The following LRP1B variants were observed in gnomAD, a reference collection of about 807,000 sequenced individuals.
The protein encoded by LRP1B is LDL receptor related protein 1B.
Under a neutral mutation model 556.6 loss-of-function variants are expected in LRP1B, and 217 were observed. The ratio of observed to expected loss-of-function variants is 0.39; its 90% CI spans 0.35 to 0.44. LRP1B has a LOEUF of 0.44. LRP1B is among the 20% of genes least tolerant of loss of function. The pLI is 1.00. For missense variants in LRP1B, 5,053 were observed against 5,620.8 expected, an observed-to-expected ratio of 0.90 and a Z score of 3.23; for synonymous variants, 2,047 against 1,865.8, an observed-to-expected ratio of 1.10 and a Z score of -2.50.
rs148800808 is a variant in LRP1B, at chr2:140,729,217, A to G, written c.5759-12401T>C. On this transcript the variant is annotated intron_variant, in intron 35 of 90. Coordinates refer to ENST00000389484, the MANE Select transcript of LRP1B (RefSeq NM_018557.3). Reference sequence around the variant, plus strand: ...TGTAAAAATATTCAGACACTGCTATATGTTTCAAGATCATCGCCTGTGATT... The same window carrying G: ...TGTAAAAATATTCAGACACTGCTATGTGTTTCAAGATCATCGCCTGTGATT... 4.1e-3 allele frequency among the ~76,000 whole-genome samples: 628 copies of G among 152,270 alleles called. 5 individuals carry two copies. Among genetic ancestry groups the G allele is most frequent in the Middle Eastern group, 0.024 (7 of 294 alleles).
intron 43 of LRP1B, among the ~76,000 whole-genome samples, chr2:140,549,264 C>T (rs531572722): frequency 6.6e-6 from 1 of 152,216 alleles, no homozygotes; most frequent in Non-Finnish European, 1.5e-5. Flanking sequence ...CAGGGACTCA[C>T]TTTGGGTAGC....
At chr2:141,466,815 T>G (rs533903154) in intron 3 of LRP1B, among the ~76,000 whole-genome samples, 1 of 152,066 alleles carries the variant, frequency 6.6e-6, no homozygotes, top group African/African-American at 2.4e-5. Context: ...TATAACCTTT[T>G]TTTAATATGA....
intron 3 of LRP1B, among the ~76,000 whole-genome samples, chr2:141,369,928 C>T (rs540150608): frequency 2.0e-5 from 3 of 152,292 alleles, no homozygotes; most frequent in African/African-American, 7.2e-5. Flanking sequence ...TCACTTAAGA[C>T]AATGTCCTTC....
At chr2:140,459,675 A>G (rs1518440) in intron 60 of LRP1B, among the ~76,000 whole-genome samples, 23,528 of 152,190 alleles carry the variant, frequency 0.15, 2,287 homozygotes, top group Non-Finnish European at 0.22. Context: ...AATACTCTCA[A>G]AAACTCTATT....
chr2:140,319,694 T>C (rs12692049), intron 82 of LRP1B, among the ~76,000 whole-genome samples: 47,008 of 151,824 alleles, frequency 0.31, 8,169 homozygotes, highest in Non-Finnish European at 0.4. Context: ...ACCTAGGTGA[T>C]ACTTTGCAGA....
intron 64 of LRP1B, 33 bp downstream of exon 64, chr2:140,444,530 T>G: frequency 6.2e-7 from 1 of 1,611,744 alleles, no homozygotes; most frequent in Non-Finnish European, 8.5e-7. Context: ...AAAATTAGAC[T>G]TATGTTCATT....
chr2:141,262,269 G>A (rs927115325), intron 3 of LRP1B, among the ~76,000 whole-genome samples: 5 of 137,360 alleles, frequency 3.6e-5, no homozygotes, highest in African/African-American at 1.1e-4. Context: ...GAGAGAGAGC[G>A]AGACGGAGTG....
intron 18 of LRP1B, among the ~76,000 whole-genome samples, chr2:140,976,817 A>G (rs1219624315): frequency 1.3e-5 from 2 of 151,854 alleles, no homozygotes; most frequent in African/African-American, 4.8e-5. Context: ...AGCCTGAACT[A>G]CCTTTCAATC....
rs568023753 is a variant in LRP1B at position 141,526,360 on chromosome 2, A to G, written c.206-45827T>C. Among the ~76,000 whole-genome samples, 6 of 152,140 alleles carry G rather than the reference A, an allele frequency of 3.9e-5. No homozygotes were observed. In the South Asian group the frequency reaches 1.2e-3, roughly 32 times the overall value. ...TAATTTTCCAGGTCTCAAGCAGTAAAGGCAAAAATCCATAAGTCTGTTTAA... is the reference window on the plus strand; with the variant it reads ...TAATTTTCCAGGTCTCAAGCAGTAAGGGCAAAAATCCATAAGTCTGTTTAA... On this transcript the variant is annotated intron_variant, in intron 2 of 90. Transcript: ENST00000389484.
chr2:141,242,647 C>T (rs751779483), intron 5 of LRP1B, among the ~76,000 whole-genome samples: 4 of 151,980 alleles, frequency 2.6e-5, no homozygotes, highest in Admixed American at 6.6e-5. Flanking sequence ...TACTCCGCGG[C>T]AAAGAGGTAC....
chr2:142,024,018 A>C (rs1403093676), intron 1 of LRP1B, among the ~76,000 whole-genome samples: 1 of 152,198 alleles, frequency 6.6e-6, no homozygotes, highest in Non-Finnish European at 1.5e-5. Context: ...AATTAGTTGA[A>C]TATTAATTCT....
intron 7 of LRP1B, among the ~76,000 whole-genome samples, chr2:141,089,367 C>T (rs771185926): frequency 2.5e-4 from 38 of 152,238 alleles, no homozygotes; most frequent in Non-Finnish European, 5.3e-4. Context: ...TTCCCAATGC[C>T]AATATTTGGC....
intron 41 of LRP1B, among the ~76,000 whole-genome samples, chr2:140,655,891 C>T (rs886402027): frequency 1.3e-5 from 2 of 151,032 alleles, no homozygotes; most frequent in South Asian, 2.1e-4. Flanking sequence ...TGCAGTGAGA[C>T]GAGATCCCGC....
At chr2:141,029,361 C>T (rs957383572) in intron 11 of LRP1B, among the ~76,000 whole-genome samples, 1 of 152,084 alleles carries the variant, frequency 6.6e-6, no homozygotes, top group Admixed American at 6.6e-5. Context: ...TTGGGAGAGG[C>T]AGTCCCCTGT....
At chr2:140,372,916 A>G (rs1021645139) in intron 69 of LRP1B, 92 bp downstream of exon 69, 4 of 1,328,144 alleles carry the variant, frequency 3.0e-6, no homozygotes, top group Non-Finnish European at 4.3e-6. Context: ...CATATGACAT[A>G]TTTGCCACTG....
At chr2:141,635,047 A>AACACACACACACACACAC (rs3221098) in intron 2 of LRP1B, among the ~76,000 whole-genome samples, 4 of 149,924 alleles carry the variant, frequency 2.7e-5, no homozygotes, top group African/African-American at 9.8e-5. Flanking sequence ...ACTATAGTGA[A>AACACACACACACACACAC]ACACACACAC....
Position 140,734,114 on chromosome 2 carries a change from T to C in LRP1B, c.5759-17298A>G, listed in dbSNP as rs1037972528. On this transcript the variant is annotated intron_variant, in intron 35 of 90. Transcript: ENST00000389484. ...CAGATAAATTGAAAACAGACTCTTATTGAGTATTTGCTACTGCGAAGGAAT... is the reference window on the plus strand; with the variant it reads ...CAGATAAATTGAAAACAGACTCTTACTGAGTATTTGCTACTGCGAAGGAAT... Among the ~76,000 whole-genome samples the C allele has an allele frequency of 1.2e-4, 18 of 152,212 alleles. No homozygotes were observed. The South Asian group carries it at 1.7e-3, about 14-fold the overall frequency.
Position 141,458,727 on chromosome 2 carries a change from C to T in LRP1B, c.343+21669G>A, listed in dbSNP as rs550688983. ...ATGACTCACTTATAGACCAAGTTACCTTAACATTCAGACACACTAAGCTAA... is the reference window on the plus strand; with the variant it reads ...ATGACTCACTTATAGACCAAGTTACTTTAACATTCAGACACACTAAGCTAA... On this transcript the variant is annotated intron_variant, in intron 3 of 90. Coordinates refer to ENST00000389484, the MANE Select transcript of LRP1B (RefSeq NM_018557.3). Among the ~76,000 whole-genome samples, 9 of 152,086 alleles carry T rather than the reference C, an allele frequency of 5.9e-5. No individual in the cohort carries two copies. The East Asian group carries it at 1.5e-3, about 26-fold the overall frequency.
At chr2:141,313,424 TGTGAGGGG>T (rs1686885940) in intron 3 of LRP1B, among the ~76,000 whole-genome samples, 1 of 152,174 alleles carries the variant, frequency 6.6e-6, no homozygotes, top group Non-Finnish European at 1.5e-5. Flanking sequence ...AAGCTTTTTA[TGTGAGGGG>T]TGCAAAATAA....
Sources: gnomAD v4.1 joint callset for allele counts (sites outside exome capture counted in the v4.1 genomes callset) on GRCh38, gnomAD v4.1.1 for gene constraint, MANE v1.5 for transcripts, NCBI Gene and HGNC (gene_info 2026-07-23, HGNC 2026-07-21) for gene names.